GALNT9: variants seen among roughly 807,000 people sequenced by gnomAD.
The protein encoded by GALNT9 is GalNAc transferase 9.
Under a neutral mutation model 63.1 loss-of-function variants are expected in GALNT9, and 47 were observed. The ratio of observed to expected loss-of-function variants is 0.75; its 90% CI spans 0.59 to 0.95. The LOEUF (loss-of-function observed/expected upper bound fraction) is 0.95. Ranked by LOEUF, GALNT9 falls within the 40% of genes least tolerant of loss-of-function variation. The pLI is 0.00. For synonymous variants in GALNT9, 396 were observed against 365.7 expected, an observed-to-expected ratio of 1.08 and a Z score of -0.94; for missense variants, 829 against 874.8, an observed-to-expected ratio of 0.95 and a Z score of 0.66.
At position 132,257,764 on chromosome 12, in the gene GALNT9, T is replaced by C; in HGVS notation, c.884A>G (p.Asn295Ser). The C allele has an allele frequency of 6.4e-7, 1 of 1,550,530 alleles. No homozygotes were observed. Among genetic ancestry groups the C allele is most frequent in the Middle Eastern group, 1.7e-4 (1 of 5,992 alleles). The change falls in exon 5 of 11, where the codon AAC (asparagine) becomes AGC (serine). Residue 295 changes from asparagine (N) to serine (S), a missense_variant. Coordinates refer to ENST00000328957, the MANE Select transcript of GALNT9 (RefSeq NM_001122636.2). ...QQYANAAHGY[N>S]WGLWCMYIIP... ...GATGTACATGCACCAGAGGCCCCAGTTGTAGCCATGGGCGGCGTTCGCATA... is the reference window on the plus strand; with the variant it reads ...GATGTACATGCACCAGAGGCCCCAGCTGTAGCCATGGGCGGCGTTCGCATA...
rs188996425 is a variant in GALNT9, at chr12:132,284,891, C to T, written c.419+1359G>A. 4.5e-3 allele frequency among the ~76,000 whole-genome samples: 684 copies of T among 152,340 alleles called. 10 individuals are homozygous for T. The highest frequency in any genetic ancestry group is 0.014 in the African/African-American group (585 of 41,580). On this transcript the variant is annotated intron_variant, in intron 2 of 10. Transcript: ENST00000328957. ...CGGGGCGCTCCCTGCACCCCTGGAC[C>T]CTGCGGGCCTGTCCAGCATCTCGCC...
intron 5 of GALNT9, among the ~76,000 whole-genome samples, chr12:132,250,398 C>A (rs1463056038): frequency 6.6e-6 from 1 of 152,232 alleles, no homozygotes; most frequent in Admixed American, 6.5e-5. Context: ...GGTCGAAACA[C>A]CGCAGAGGTG....
At chr12:132,210,514 G>T (rs983013928) in intron 6 of GALNT9, among the ~76,000 whole-genome samples, 9 of 152,170 alleles carry the variant, frequency 5.9e-5, no homozygotes, top group African/African-American at 1.9e-4. Flanking sequence ...GGGGCCATGA[G>T]GCTTGGGCAG....
chr12:132,309,344 GC>G (rs1555244947), intron 1 of GALNT9, among the ~76,000 whole-genome samples: 1 of 152,186 alleles, frequency 6.6e-6, no homozygotes, highest in East Asian at 1.9e-4. Context: ...TCACGCAGCC[GC>G]CCTGGAGGTC....
At chr12:132,226,586 A>G (rs1424522048) in intron 6 of GALNT9, among the ~76,000 whole-genome samples, 153 of 143,626 alleles carry the variant, frequency 1.1e-3, no homozygotes, top group African/African-American at 3.9e-3. Flanking sequence ...CACCCCACAC[A>G]CATACACACC....
chr12:132,312,636 C>G (rs1054402057), intron 1 of GALNT9, among the ~76,000 whole-genome samples: 3 of 152,228 alleles, frequency 2.0e-5, no homozygotes, highest in Non-Finnish European at 2.9e-5. Context: ...CGCAGCCCAG[C>G]CTTGAGGGTC....
rs782058295 is a variant in GALNT9 at position 132,319,884 on chromosome 12, G to A, written c.238+9082C>T. On this transcript the variant is annotated intron_variant, in intron 1 of 10. Transcript: ENST00000328957. This position sits in a 1 kb window ranked among gnomAD's most constrained non-coding sequence, Gnocchi z 5.2. ...GTCTTCTCCACCCTCAGCCTCCGGA[G>A]GTTCGGAGGCACTCACTGACCCCGC... Among the ~76,000 whole-genome samples the A allele has an allele frequency of 1.3e-5, 2 of 152,208 alleles. No homozygotes were observed. Among genetic ancestry groups the A allele is most frequent in the Non-Finnish European group, 2.9e-5 (2 of 68,038 alleles).
chr12:132,272,080 C>T (rs920947244), intron 2 of GALNT9, among the ~76,000 whole-genome samples: 9 of 152,206 alleles, frequency 5.9e-5, no homozygotes, highest in African/African-American at 1.7e-4. Context: ...ACGCCCCGCC[C>T]GGCTCCCCCA....
intron 2 of GALNT9, among the ~76,000 whole-genome samples, chr12:132,269,225 G>T (rs1879773510): frequency 6.6e-6 from 1 of 151,550 alleles, no homozygotes; most frequent in Non-Finnish European, 1.5e-5. Flanking sequence ...TCACCTGCCC[G>T]ACTGCGGCCA....
intron 5 of GALNT9, among the ~76,000 whole-genome samples, chr12:132,257,346 C>T (rs1274686175): frequency 1.3e-5 from 2 of 152,068 alleles, no homozygotes; most frequent in African/African-American, 4.8e-5. Flanking sequence ...ATGGCAAAGC[C>T]CAGGGGCCCC....
In GALNT9 at chr12:132,207,537, C is replaced by T. The variant is rs73166846; in HGVS notation, c.1078-3847G>A. 1.8e-3 allele frequency among the ~76,000 whole-genome samples: 270 copies of T among 152,250 alleles called. 2 individuals are homozygous for T. The East Asian group carries it at 0.019, about 11-fold the overall frequency. ...TGTGTGCTGAGCTTGCGGGTGGTGC[C>T]GAGGCCCCTTCTTGGGTGAATGCAG... On this transcript the variant is annotated intron_variant, in intron 6 of 10. Coordinates refer to ENST00000328957, the MANE Select transcript of GALNT9 (RefSeq NM_001122636.2).
chr12:132,199,148 G>A (rs1327429115), intron 9 of GALNT9, 26 bp downstream of exon 9: 7 of 1,496,824 alleles, frequency 4.7e-6, no homozygotes, highest in Non-Finnish European at 6.4e-6. Flanking sequence ...CTTGGGAGCT[G>A]CATGGGTGGC....
chr12:132,247,676 T>G (rs375388574), intron 6 of GALNT9: 128 of 234,222 alleles, frequency 5.5e-4, no homozygotes, highest in East Asian at 2.4e-3. Flanking sequence ...CGTCCCCGGA[T>G]GCCGTGGCCG....
intron 1 of GALNT9, among the ~76,000 whole-genome samples, chr12:132,302,229 TACACACACACAC>T (rs56317485): frequency 1.5e-4 from 22 of 143,818 alleles, no homozygotes; most frequent in Admixed American, 2.1e-4. Context: ...TAGAAAATTC[TACACACACACAC>T]ACACACACAC....
intron 6 of GALNT9, among the ~76,000 whole-genome samples, chr12:132,234,647 G>A (rs1877930318): frequency 7.2e-5 from 1 of 13,948 alleles, no homozygotes; most frequent in Non-Finnish European, 1.2e-4. Flanking sequence ...AGGAGACAGC[G>A]TGGAGTCCCT....
intron 1 of GALNT9, among the ~76,000 whole-genome samples, chr12:132,307,999 G>A (rs1398317094): frequency 1.3e-5 from 2 of 151,576 alleles, no homozygotes; most frequent in Non-Finnish European, 2.9e-5. Context: ...TCACGCCACT[G>A]CACTCCAGCC....
chr12:132,229,886 C>T (rs1350729550), intron 6 of GALNT9, among the ~76,000 whole-genome samples: 3 of 152,234 alleles, frequency 2.0e-5, no homozygotes, highest in South Asian at 2.1e-4. Context: ...GGTCACCGTC[C>T]GTCGGTGGTG....
chr12:132,202,805 C>T (rs1043960896), intron 7 of GALNT9, among the ~76,000 whole-genome samples: 22 of 152,118 alleles, frequency 1.4e-4, no homozygotes, highest in Non-Finnish European at 2.9e-4. Context: ...TCAGTACCTG[C>T]CTTTCTTAGG....
Position 132,222,064 on chromosome 12 carries a change from C to T in GALNT9, c.1078-18374G>A, listed in dbSNP as rs148121277. Among the ~76,000 whole-genome samples the T allele has an allele frequency of 4.8e-3, 733 of 152,254 alleles. 7 individuals are homozygous for T. The highest frequency in any genetic ancestry group is 0.017 in the African/African-American group (689 of 41,552). ...AAGCCTGTGACGAGGGCTGCTCTTC[C>T]GTTCGCGGCTGAGGATGGAGATTTG... On this transcript the variant is annotated intron_variant, in intron 6 of 10. Transcript: ENST00000328957.
Sources: allele counts gnomAD v4.1 joint callset (sites outside exome capture counted in the v4.1 genomes callset), GRCh38; gene constraint gnomAD v4.1.1; non-coding constraint Gnocchi (gnomAD v3.1); transcripts MANE v1.5; gene names NCBI Gene and HGNC (gene_info 2026-07-23, HGNC 2026-07-21).